The following LSS variants were observed in gnomAD, a reference collection of about 807,000 sequenced individuals.
LSS encodes 2,3-epoxysqualene-lanosterol cyclase.
Under a neutral mutation model 110.3 loss-of-function variants are expected in LSS, and 90 were observed. That is an observed-to-expected ratio of 0.82 (90% CI 0.69 to 0.97). The LOEUF (loss-of-function observed/expected upper bound fraction) is 0.97, where lower values mean the gene tolerates loss of function less well. LSS is among the 50% of genes least tolerant of loss of function. The pLI is 0.00. For missense variants in LSS, 927 were observed against 990.0 expected (o/e 0.94, Z 0.85); for synonymous variants, 433 against 400.0 (o/e 1.08, Z -0.98).
At chr21:46,213,884 C>T in intron 9 of LSS, 49 bp from the exon 10 acceptor site, 3 of 1,339,838 alleles carry the variant, frequency 2.2e-6, no homozygotes, top group Non-Finnish European at 3.2e-6. Flanking sequence ...CCCACAGCAG[C>T]CTCCAGGGAC....
At chr21:46,225,385 A>AC in intron 3 of LSS, 1 of 453,392 alleles carries the variant, frequency 2.2e-6, no homozygotes. Context: ...AGCGGACCCA[A>AC]CCGTGGTCTA....
chr21:46,204,948 A>G (rs936805967), intron 17 of LSS, among the ~76,000 whole-genome samples: 2 of 152,230 alleles, frequency 1.3e-5, no homozygotes, highest in African/African-American at 4.8e-5. Context: ...CAATATATAA[A>G]AAGGACAGTG....
chr21:46,202,133 G>A (rs2079986362), intron 17 of LSS, among the ~76,000 whole-genome samples: 1 of 135,010 alleles, frequency 7.4e-6, no homozygotes, highest in South Asian at 2.7e-4. Context: ...GGTGGCTCAC[G>A]CCTGTAATCC....
rs528151485 is a variant in LSS at position 46,200,847 on chromosome 21, T to C, written c.1671-4580A>G. ...TATTGGAACAATTAGGCCTGCAGAT[T>C]AGTATTTCATCAACATTAACATTCT... On this transcript the variant is annotated intron_variant, in intron 17 of 21. Coordinates refer to ENST00000397728, the MANE Select transcript of LSS (RefSeq NM_002340.6). Among the ~76,000 whole-genome samples, 6 of 152,392 alleles carry C rather than the reference T, an allele frequency of 3.9e-5. No homozygotes were observed. The South Asian group carries it at 1.2e-3, about 32-fold the overall frequency.
intron 6 of LSS, among the ~76,000 whole-genome samples, chr21:46,218,179 C>A (rs2080231302): frequency 1.3e-5 from 2 of 151,378 alleles, no homozygotes; most frequent in Admixed American, 1.3e-4. Flanking sequence ...GGGACACCCC[C>A]ACCAGGGTTC....
At position 46,213,749 on chromosome 21, in the gene LSS, C is replaced by T. The variant is rs370753267; in HGVS notation, c.1098G>A (p.Pro366=). Residue 366 remains proline, a synonymous_variant, in exon 10 of 22, where the codon CCG becomes CCA. Coordinates refer to ENST00000397728, the MANE Select transcript of LSS (RefSeq NM_002340.6). ...TAFQEHVSRI[P]DYLWMGLDGM... ...CCAGCCACACTCACCAGAGATAGTC[C>T]GGGATTCTGGAGACATGCTCCTGGA... 2.9e-5 allele frequency: 47 copies of T among 1,613,640 alleles called. No homozygotes were observed. The highest frequency in any genetic ancestry group is 1.2e-4 in the African/African-American group (9 of 75,038).
chr21:46,210,671 GA>G lies in LSS; in HGVS notation c.1194+16del, dbSNP rs753990691. The G allele has an allele frequency of 2.7e-5, 43 of 1,613,434 alleles. No individual in the cohort carries two copies. On this transcript the variant is annotated intron_variant, in intron 12 of 21. Coordinates refer to ENST00000397728, the MANE Select transcript of LSS (RefSeq NM_002340.6). The stretch of plus-strand genomic sequence containing the variant: ...GGAAGGTCAGCTGAGGCTGAGAAAA[GA>G]GAAGGAGCCACGAACCTCAAGCAGA...
rs1304960504 is a variant in LSS, at chr21:46,227,673, G to C, written c.198C>G (p.Asp66Glu). The change falls in exon 3 of 22, where the codon GAC (aspartate) becomes GAG (glutamate). Residue 66 changes from aspartate (D) to glutamate (E), a missense_variant. By Grantham distance (45) the Asp-to-Glu change is conservative (BLOSUM62 2). Coordinates refer to ENST00000397728, the MANE Select transcript of LSS (RefSeq NM_002340.6). ...LGLDTKNYFK[D>E]LPKAHTAFEG... ...CAAAGGCGGTGTGGGCTTTGGGCAA[G>C]TCCTTAAAGTAATTCTTCTGCAAAG... 2.5e-6 allele frequency: 4 copies of C among 1,611,910 alleles called. No homozygotes were observed. The African/African-American group carries it at 5.4e-5, about 22-fold the overall frequency.
At chr21:46,211,384 C>A (rs1051081022) in intron 11 of LSS, among the ~76,000 whole-genome samples, 5 of 152,200 alleles carry the variant, frequency 3.3e-5, no homozygotes, top group Non-Finnish European at 7.3e-5. Flanking sequence ...CCACCTTGGC[C>A]TCCCAAAGTG....
In LSS at chr21:46,227,606, C is replaced by T. The variant is rs2080359726; in HGVS notation, c.265G>A (p.Ala89Thr). ...NGMTFYVGLQ[A>T]EDGHWTGDYG... The stretch of plus-strand genomic sequence containing the variant: ...TCACCCGTCCAGTGCCCATCCTCAG[C>T]CTGCAGCCCCACGTAAAATGTCATC... Residue 89 changes from alanine to threonine, a missense_variant, in exon 3 of 22, where the codon GCT (alanine) becomes ACT (threonine). Coordinates refer to ENST00000397728, the MANE Select transcript of LSS (RefSeq NM_002340.6). The T allele has an allele frequency of 6.2e-7, 1 of 1,614,024 alleles. No homozygotes were observed. The highest frequency in any genetic ancestry group is 8.5e-7 in the Non-Finnish European group (1 of 1,180,012).
rs945424006 is a variant in LSS at position 46,198,485 on chromosome 21, C to A, written c.1671-2218G>T. Among the ~76,000 whole-genome samples the A allele has an allele frequency of 3.9e-5, 6 of 151,950 alleles. No individual in the cohort carries two copies. In the East Asian group the frequency reaches 1.2e-3, roughly 29 times the overall value. ...CTTGAGCTACAGATTCAATGTAATC[C>A]CAATCAAAGTCTCAGCAAGTTATTT... On this transcript the variant is annotated intron_variant, in intron 17 of 21. Coordinates refer to ENST00000397728, the MANE Select transcript of LSS (RefSeq NM_002340.6).
intron 3 of LSS, among the ~76,000 whole-genome samples, chr21:46,223,911 T>C (rs952966981): frequency 6.6e-6 from 1 of 152,166 alleles, no homozygotes; most frequent in Admixed American, 6.5e-5. Context: ...ACCCGCTACT[T>C]AGCAGACCGG....
intron 17 of LSS, among the ~76,000 whole-genome samples, chr21:46,198,849 A>AAAT (rs1417581744): frequency 1.7e-3 from 261 of 151,898 alleles, no homozygotes; most frequent in Non-Finnish European, 3.0e-3. Context: ...AAAAAAAAAA[A>AAAT]AAATCTAGAC....
chr21:46,197,465 A>G (rs1309721415), intron 17 of LSS, among the ~76,000 whole-genome samples: 1 of 152,260 alleles, frequency 6.6e-6, no homozygotes, highest in Non-Finnish European at 1.5e-5. Context: ...CTAATCTCAC[A>G]CAAACTCTTC....
At chr21:46,207,625 G>C (rs753094272) in intron 14 of LSS, 48 bp from the exon 15 acceptor site, 1 of 1,581,308 alleles carries the variant, frequency 6.3e-7, no homozygotes, top group Non-Finnish European at 8.6e-7. Context: ...CCACACCCCA[G>C]TTCTCAGAAC....
At chr21:46,202,222 G>A (rs181959804) in intron 17 of LSS, among the ~76,000 whole-genome samples, 6,208 of 143,420 alleles carry the variant, frequency 0.043, 176 homozygotes, top group Middle Eastern at 0.12. Flanking sequence ...GTGAAACCCC[G>A]TCTCTACTAA....
At chr21:46,206,564 T>C in intron 16 of LSS, 108 bp downstream of exon 16, 1 of 905,934 alleles carries the variant, frequency 1.1e-6, no homozygotes, top group Non-Finnish European at 1.8e-6. Context: ...CCGGTGAACC[T>C]GGGCCCTTGC....
chr21:46,225,504 T>A (rs1412373553), intron 3 of LSS: 4 of 420,386 alleles, frequency 9.5e-6, no homozygotes, highest in African/African-American at 6.2e-5. Context: ...CCACCTCTTG[T>A]GGACGGCCTG....
chr21:46,207,583 G>A lies in LSS; in HGVS notation c.1318-6C>T, dbSNP rs771816825. 15 of 1,602,462 alleles carry A rather than the reference G, an allele frequency of 9.4e-6. No individual in the cohort carries two copies. In the Admixed American group the frequency reaches 2.4e-4, roughly 26 times the overall value. On this transcript the variant is annotated splice_polypyrimidine_tract_variant and splice_region_variant and intron_variant, in intron 14 of 21. Transcript: ENST00000397728. Reference sequence around the variant, plus strand: ...GTACTGAAGGAGAAGCCACCCTGCAGAGCACAAGCCATGACTCCAGGCTGG... The same window carrying A: ...GTACTGAAGGAGAAGCCACCCTGCAAAGCACAAGCCATGACTCCAGGCTGG...
Sources: gnomAD v4.1 joint callset for allele counts (sites outside exome capture counted in the v4.1 genomes callset) on GRCh38, gnomAD v4.1.1 for gene constraint, MANE v1.5 for transcripts, NCBI Gene and HGNC (gene_info 2026-07-23, HGNC 2026-07-21) for gene names.